OTOA: variants seen among roughly 807,000 people sequenced by gnomAD.
OTOA encodes otoancorin.
A neutral mutation model predicts 110.8 loss-of-function variants in OTOA; 70 were observed. The observed-to-expected ratio is 0.63, with a 90% confidence interval of 0.52 to 0.77. OTOA has a LOEUF of 0.77. OTOA is among the 30% of genes least tolerant of loss of function. The probability of loss-of-function intolerance (pLI) is 0.00; values close to 1 mark genes in which losing one functional copy is unlikely to be tolerated. For synonymous variants in OTOA, 373 were observed against 431.5 expected, an observed-to-expected ratio of 0.86 and a Z score of 1.68; for missense variants, 917 against 1,075.8, an observed-to-expected ratio of 0.85 and a Z score of 2.06.
chr16:21,714,215 T>TTCTC (rs917575539), intron 13 of OTOA, among the ~76,000 whole-genome samples: 1 of 151,562 alleles, frequency 6.6e-6, no homozygotes, highest in South Asian at 2.1e-4. Context: ...TTCTCTTTCT[T>TTCTC]TCTCTCTCTC....
intron 21 of OTOA, among the ~76,000 whole-genome samples, chr16:21,732,700 A>T (rs1464315364): frequency 1.3e-5 from 2 of 152,068 alleles, no homozygotes; most frequent in Non-Finnish European, 2.9e-5. Context: ...GCAAAAGAAT[A>T]TCTATAGTAG....
rs377049896 is a variant in OTOA, at chr16:21,719,116, T to A, written c.1630-17T>A. 2 of 1,612,228 alleles carry A rather than the reference T, an allele frequency of 1.2e-6. No homozygotes were observed. The highest frequency in any genetic ancestry group is 1.1e-5 in the South Asian group (1 of 91,034). On this transcript the variant is annotated splice_polypyrimidine_tract_variant and intron_variant, in intron 15 of 28. Transcript: ENST00000646100. ...CTGAGTGTGCCATCAGTGCTAACGA[T>A]CATTCTCTTCTCGCAGGCTCTGTTC...
rs1396136165 is a variant in OTOA, at chr16:21,707,657, C to CTTTCTT, written c.1105-2230_1105-2229insTTCTTT. ...TCTTTCTTTCTTTCTTTCTTTCTTTCTCTTTCTTTCTCTTTCTGTCTCTCT... is the reference window on the plus strand; with the variant it reads ...TCTTTCTTTCTTTCTTTCTTTCTTTCTTTCTTTCTTTCTTTCTCTTTCTGTCTCTCT... On this transcript the variant is annotated intron_variant, in intron 12 of 28. Coordinates refer to ENST00000646100, the MANE Select transcript of OTOA (RefSeq NM_144672.4). Among the ~76,000 whole-genome samples the CTTTCTT allele has an allele frequency of 9.7e-3, 882 of 91,302 alleles. 6 individuals are homozygous for CTTTCTT. The highest frequency in any genetic ancestry group is 0.015 in the Non-Finnish European group (623 of 41,794). 59.9% of individuals were successfully genotyped at this position (91,302 alleles called of 152,430 possible). A position where few individuals can be genotyped will look rare whatever the true frequency, so the allele number is the denominator to read the frequency against.
chr16:21,720,929 T>C (rs1403532509), intron 17 of OTOA, among the ~76,000 whole-genome samples: 2 of 149,400 alleles, frequency 1.3e-5, no homozygotes, highest in South Asian at 2.1e-4. Flanking sequence ...TTATCATTAT[T>C]ATTATTATTG....
chr16:21,728,470 T>G, intron 20 of OTOA, 39 bp downstream of exon 20: 1 of 1,600,288 alleles, frequency 6.2e-7, no homozygotes, highest in Non-Finnish European at 8.5e-7. Context: ...TGGTGTGGTA[T>G]GCTCTGTGGA....
At position 21,685,126 on chromosome 16, in the gene OTOA, C is replaced by A. The variant is rs192424249; in HGVS notation, c.268-104C>A. ...CAGACTGCTGGCCACTAGTTGTGGT[C>A]TCTGCAGGGAATGAGGGGGCCGGGC... On this transcript the variant is annotated intron_variant, in intron 6 of 28. Coordinates refer to ENST00000646100, the MANE Select transcript of OTOA (RefSeq NM_144672.4). 72 of 1,484,244 alleles carry A rather than the reference C, an allele frequency of 4.9e-5. No individual in the cohort carries two copies. In the African/African-American group the frequency reaches 9.2e-4, roughly 19 times the overall value. 91.9% of individuals were successfully genotyped at this position (1,484,244 alleles called of 1,614,324 possible).
chr16:21,675,053 TTTTCTTTCTGTC>T lies in OTOA; in HGVS notation c.-4-3448_-4-3437del, dbSNP rs879585613. 1.3e-3 allele frequency among the ~76,000 whole-genome samples: 189 copies of T among 142,776 alleles called. 1 individual carries two copies. The highest frequency in any genetic ancestry group is 4.2e-3 in the African/African-American group (162 of 38,678). 93.7% of individuals were successfully genotyped at this position (142,776 alleles called of 152,430 possible). On this transcript the variant is annotated intron_variant, in intron 1 of 28. Coordinates refer to ENST00000646100, the MANE Select transcript of OTOA (RefSeq NM_144672.4). The stretch of plus-strand genomic sequence containing the variant: ...ACACAAATTTGGTCATGAGGTCATG[TTTTCTTTCTGTC>T]TTTCTTTCTTTCTTTCTTTCTTTCT...
chr16:21,681,826 G>A lies in OTOA; in HGVS notation c.267+1G>A, dbSNP rs1966897756. ...TGCCTTCACCATCCCCAGCCTGCAGGTGTGTACCTGAGACCCATCTATATG... is the reference window on the plus strand; with the variant it reads ...TGCCTTCACCATCCCCAGCCTGCAGATGTGTACCTGAGACCCATCTATATG... On this transcript the variant is annotated splice_donor_variant, in intron 6 of 28. Transcript: ENST00000646100. LOFTEE classifies it high-confidence loss of function. 6.2e-7 allele frequency: 1 copy of A among 1,612,436 alleles called. No homozygotes were observed. Among genetic ancestry groups the A allele is most frequent in the Non-Finnish European group, 8.5e-7 (1 of 1,178,458 alleles).
intron 10 of OTOA, among the ~76,000 whole-genome samples, chr16:21,699,832 T>C (rs554591947): frequency 6.6e-6 from 1 of 152,044 alleles, no homozygotes; most frequent in African/African-American, 2.4e-5. Flanking sequence ...GGCAGGAGTA[T>C]CACTTGAACC....
intron 6 of OTOA, among the ~76,000 whole-genome samples, chr16:21,684,807 A>G (rs920072196): frequency 4.0e-5 from 6 of 150,866 alleles, no homozygotes. Flanking sequence ...GCTGGAGTGC[A>G]GTGGCGTGAT....
intron 17 of OTOA, chr16:21,721,504 C>T (rs767872986): frequency 2.0e-5 from 9 of 455,728 alleles, no homozygotes; most frequent in African/African-American, 8.0e-5. Flanking sequence ...GGTACCTGGT[C>T]GAAAATGTCA....
intron 9 of OTOA, among the ~76,000 whole-genome samples, chr16:21,694,238 C>G (rs758088914): frequency 1.3e-5 from 2 of 152,040 alleles, no homozygotes; most frequent in Non-Finnish European, 2.9e-5. Context: ...GCCAAAAGTT[C>G]AAGACCAGCC....
intron 28 of OTOA, among the ~76,000 whole-genome samples, chr16:21,757,615 C>CTATTATTATTAT (rs557683434): frequency 6.2e-4 from 93 of 149,956 alleles, no homozygotes; most frequent in African/African-American, 2.2e-3. Context: ...TAATAATGAA[C>CTATTATTATTAT]TATTATTATT....
At chr16:21,714,238 TCC>T (rs1567383948) in intron 13 of OTOA, among the ~76,000 whole-genome samples, 1 of 134,708 alleles carries the variant, frequency 7.4e-6, no homozygotes, top group Non-Finnish European at 1.6e-5. Flanking sequence ...TTTCTTTCTT[TCC>T]TTTCTTTCTT....
At chr16:21,737,908 ATAG>A (rs1254399470) in intron 22 of OTOA, among the ~76,000 whole-genome samples, 1 of 152,312 alleles carries the variant, frequency 6.6e-6, no homozygotes, top group Admixed American at 6.5e-5. Context: ...ACCCCCAGTG[ATAG>A]TAGTTGACAG....
At chr16:21,695,231 C>CA (rs1190148919) in intron 9 of OTOA, among the ~76,000 whole-genome samples, 2 of 146,370 alleles carry the variant, frequency 1.4e-5, no homozygotes, top group African/African-American at 5.1e-5. Context: ...GAGACCCCCC[C>CA]CCCCCATACA....
At chr16:21,713,308 A>G (rs937139585) in intron 13 of OTOA, among the ~76,000 whole-genome samples, 8 of 152,092 alleles carry the variant, frequency 5.3e-5, no homozygotes, top group African/African-American at 9.7e-5. Flanking sequence ...TTGGTATGTC[A>G]TGGTTCTGAG....
At chr16:21,752,859 T>C (rs1899872489) in intron 26 of OTOA, among the ~76,000 whole-genome samples, 168 bp from the exon 27 acceptor site, 1 of 138,106 alleles carries the variant, frequency 7.2e-6, no homozygotes, top group Non-Finnish European at 1.6e-5. Context: ...ATTTTTTTTT[T>C]CTGAGTTGAT....
chr16:21,683,906 C>G (rs1470307521), intron 6 of OTOA, among the ~76,000 whole-genome samples: 1 of 151,464 alleles, frequency 6.6e-6, no homozygotes, highest in African/African-American at 2.4e-5. Context: ...GTAGCTGGGA[C>G]TACAGGTGCA....
Sources: gnomAD v4.1 joint callset for allele counts (sites outside exome capture counted in the v4.1 genomes callset) on GRCh38, gnomAD v4.1.1 for gene constraint, MANE v1.5 for transcripts, NCBI Gene and HGNC (gene_info 2026-07-23, HGNC 2026-07-21) for gene names.